The following CRY1 variants were observed in gnomAD, a reference collection of about 807,000 sequenced individuals.
CRY1 encodes the protein cryptochrome circadian regulator 1, also known as cryptochrome-1.
Under a neutral mutation model 76.0 loss-of-function variants are expected in CRY1, and 45 were observed. The ratio of observed to expected loss-of-function variants is 0.59; its 90% CI spans 0.47 to 0.76. The LOEUF (loss-of-function observed/expected upper bound fraction) is 0.76, where lower values mean the gene tolerates loss of function less well. CRY1 is among the 30% of genes least tolerant of loss of function. The pLI is 0.00. For synonymous variants in CRY1, 248 were observed against 244.0 expected (o/e 1.02, Z -0.15); for missense variants, 587 against 716.4 (o/e 0.82, Z 2.06).
At chr12:107,023,464 G>T (rs1424681334) in intron 1 of CRY1, among the ~76,000 whole-genome samples, 1 of 152,136 alleles carries the variant, frequency 6.6e-6, no homozygotes, top group Non-Finnish European at 1.5e-5. Flanking sequence ...AGTTCTACTG[G>T]ACAGATTGTT....
intron 1 of CRY1, among the ~76,000 whole-genome samples, chr12:107,037,993 G>A (rs1328109103): frequency 6.6e-6 from 1 of 152,186 alleles, no homozygotes; most frequent in Non-Finnish European, 1.5e-5. Flanking sequence ...ACAGGTGTGA[G>A]CCACCACAGC....
intron 1 of CRY1, among the ~76,000 whole-genome samples, chr12:107,069,585 A>G (rs187458212): frequency 2.4e-5 from 1 of 41,286 alleles, no homozygotes; most frequent in African/African-American, 4.6e-5. Flanking sequence ...TATATATATA[A>G]AGTATATATA....
intron 1 of CRY1, among the ~76,000 whole-genome samples, chr12:107,032,432 G>A (rs562809145): frequency 1.7e-4 from 26 of 151,906 alleles, no homozygotes; most frequent in South Asian, 1.5e-3. Flanking sequence ...TGGAAACTAT[G>A]TGGTCCCAAA....
In CRY1 at chr12:107,092,934, G is replaced by C. The variant is rs775403882; in HGVS notation, c.28C>G (p.Arg10Gly). The change falls in exon 1 of 13, where the codon CGA becomes GGA. Residue 10 changes from arginine (R) to glycine (G), a missense_variant. Physicochemically the swap from Arg to Gly is moderately radical, Grantham distance 125. Coordinates refer to ENST00000008527, the MANE Select transcript of CRY1 (RefSeq NM_004075.5). MGVNAVHWF[R>G]KGLRLHDNPA... Reference sequence around the variant, plus strand: ...TTGTCGTGGAGCCGGAGCCCCTTTCGGAACCAGTGCACGGCGTTCACCCCC... The same window carrying C: ...TTGTCGTGGAGCCGGAGCCCCTTTCCGAACCAGTGCACGGCGTTCACCCCC... 5.6e-6 allele frequency: 9 copies of C among 1,598,564 alleles called. No individual in the cohort carries two copies. The highest frequency in any genetic ancestry group is 7.7e-6 in the Non-Finnish European group (9 of 1,173,548).
At chr12:107,081,584 C>T (rs893163161) in intron 1 of CRY1, among the ~76,000 whole-genome samples, 5 of 151,996 alleles carry the variant, frequency 3.3e-5, no homozygotes, top group African/African-American at 1.2e-4. Context: ...ATACTGTATA[C>T]CCAGCATCAA....
Position 107,001,374 on chromosome 12 carries a change from A to C in CRY1, c.596-6T>G, listed in dbSNP as rs778491036. On this transcript the variant is annotated splice_polypyrimidine_tract_variant and splice_region_variant and intron_variant, in intron 4 of 12. Transcript: ENST00000008527. Reference sequence around the variant, plus strand: ...TAAGCCATCTGTATCAAAACCTACAAGAAAGAAAAGAAAAAAACATCATTC... The same window carrying C: ...TAAGCCATCTGTATCAAAACCTACACGAAAGAAAAGAAAAAAACATCATTC... The C allele has an allele frequency of 1.9e-6, 3 of 1,593,442 alleles. No individual in the cohort carries two copies. Among genetic ancestry groups the C allele is most frequent in the South Asian group, 1.2e-5 (1 of 86,370 alleles).
At chr12:107,004,315 A>C (rs942723272) in intron 3 of CRY1, among the ~76,000 whole-genome samples, 1 of 152,218 alleles carries the variant, frequency 6.6e-6, no homozygotes, top group Non-Finnish European at 1.5e-5. Context: ...AAAATGTGAA[A>C]TCAAATCAAC....
chr12:107,046,455 A>C (rs1593523261), intron 1 of CRY1, among the ~76,000 whole-genome samples: 1 of 152,216 alleles, frequency 6.6e-6, no homozygotes, highest in East Asian at 1.9e-4. Context: ...AACCACAATG[A>C]TAAACAATAA....
In CRY1 at chr12:107,006,912, G is replaced by A. The variant is rs141577055; in HGVS notation, c.268-1664C>T. On this transcript the variant is annotated intron_variant, in intron 2 of 12. Transcript: ENST00000008527. ...ATCTACCTCGGCCTCCCAAAGTGCT[G>A]GGATTACAGGCGTGAGCCACCATGC... Among the ~76,000 whole-genome samples, 760 of 152,164 alleles carry A rather than the reference G, an allele frequency of 5.0e-3. 6 individuals carry two copies. Among genetic ancestry groups the A allele is most frequent in the African/African-American group, 0.017 (717 of 41,516 alleles).
chr12:107,051,306 C>T (rs993834782), intron 1 of CRY1, among the ~76,000 whole-genome samples: 1 of 152,022 alleles, frequency 6.6e-6, no homozygotes, highest in African/African-American at 2.4e-5. Context: ...ACATTTAGGC[C>T]TGTATTAATT....
At chr12:107,036,960 C>G (rs1189921844) in intron 1 of CRY1, among the ~76,000 whole-genome samples, 1 of 152,134 alleles carries the variant, frequency 6.6e-6, no homozygotes, top group Non-Finnish European at 1.5e-5. Flanking sequence ...ATCTCTTTAA[C>G]ATACTATATA....
rs115066061 is a variant in CRY1 at position 107,041,875 on chromosome 12, G to A, written c.159-19683C>T. ...ACCCAGATTTTGGTTTTTAAATATCGTCCCCCAATAAGAATAACCAAGACT... is the reference window on the plus strand; with the variant it reads ...ACCCAGATTTTGGTTTTTAAATATCATCCCCCAATAAGAATAACCAAGACT... On this transcript the variant is annotated intron_variant, in intron 1 of 12. Coordinates refer to ENST00000008527, the MANE Select transcript of CRY1 (RefSeq NM_004075.5). Among the ~76,000 whole-genome samples the A allele has an allele frequency of 2.0e-3, 299 of 152,104 alleles. 2 individuals are homozygous for A. Among genetic ancestry groups the A allele is most frequent in the African/African-American group, 6.8e-3 (281 of 41,482 alleles).
At chr12:107,036,916 T>C (rs867253361) in intron 1 of CRY1, among the ~76,000 whole-genome samples, 10 of 152,158 alleles carry the variant, frequency 6.6e-5, no homozygotes, top group South Asian at 4.1e-4. Flanking sequence ...TCCCCACCTC[T>C]GGCCCCTAGC....
intron 10 of CRY1, among the ~76,000 whole-genome samples, chr12:106,996,287 C>A (rs1350914529): frequency 6.6e-6 from 1 of 152,206 alleles, no homozygotes; most frequent in Non-Finnish European, 1.5e-5. Flanking sequence ...CATGTCCCTG[C>A]AAAGAACATG....
At position 106,997,667 on chromosome 12, in the gene CRY1, C is replaced by G; in HGVS notation, c.1313G>C (p.Gly438Ala). ...ATCATAGATATATTTTGCAGGGAAG[C>G]CTCTTAGGACAGGCAAATAACGCCT... ...YIRRYLPVLR[G>A]FPAKYIYDPW... The change falls in exon 9 of 13, where the codon GGC (glycine) becomes GCC (alanine). Residue 438 changes from glycine to alanine, a missense_variant. Gly to Ala is a moderately conservative substitution (Grantham distance 60, BLOSUM62 0). Transcript: ENST00000008527. 6.2e-7 allele frequency: 1 copy of G among 1,613,976 alleles called. No individual in the cohort carries two copies. The highest frequency in any genetic ancestry group is 8.5e-7 in the Non-Finnish European group (1 of 1,179,960).
intron 1 of CRY1, among the ~76,000 whole-genome samples, chr12:107,031,556 C>T (rs985891084): frequency 6.6e-6 from 1 of 152,076 alleles, no homozygotes; most frequent in Non-Finnish European, 1.5e-5. Flanking sequence ...ACAAGTACTA[C>T]CTTAACCACA....
intron 1 of CRY1, among the ~76,000 whole-genome samples, chr12:107,024,422 T>A (rs1952586578): frequency 6.6e-6 from 1 of 152,204 alleles, no homozygotes; most frequent in South Asian, 2.1e-4. Context: ...TTTTTTTTTT[T>A]TGGAGACAGG....
chr12:107,046,138 A>AG (rs1474636521), intron 1 of CRY1, among the ~76,000 whole-genome samples: 1 of 151,452 alleles, frequency 6.6e-6, no homozygotes, highest in African/African-American at 2.4e-5. Context: ...AAAAAAAAAA[A>AG]AAAAATTAGT....
At chr12:107,063,191 A>G (rs1036302367) in intron 1 of CRY1, among the ~76,000 whole-genome samples, 1 of 152,192 alleles carries the variant, frequency 6.6e-6, no homozygotes. Context: ...CACAAATGGA[A>G]CAGACTTAAA....
Sources: allele counts gnomAD v4.1 joint callset (sites outside exome capture counted in the v4.1 genomes callset), GRCh38; gene constraint gnomAD v4.1.1; transcripts MANE v1.5; gene names NCBI Gene and HGNC (gene_info 2026-07-23, HGNC 2026-07-21).